The following TBC1D19 variants were observed in gnomAD, a reference collection of about 807,000 sequenced individuals.
The protein encoded by TBC1D19 is TBC1 domain family, member 19.
TBC1D19 carries 60 observed loss-of-function variants against 89.0 expected under a neutral mutation model. The ratio of observed to expected loss-of-function variants is 0.67; its 90% CI spans 0.55 to 0.84. The LOEUF (loss-of-function observed/expected upper bound fraction) is 0.84, where lower values mean the gene tolerates loss of function less well. TBC1D19 is among the 40% of genes least tolerant of loss of function. TBC1D19 has a pLI of 0.00. For synonymous variants in TBC1D19, 189 were observed against 199.7 expected (o/e 0.95, Z 0.45); for missense variants, 500 against 610.8 (o/e 0.82, Z 1.91).
At chr4:26,726,185 A>T (rs1023236654) in intron 15 of TBC1D19, among the ~76,000 whole-genome samples, 1 of 150,626 alleles carries the variant, frequency 6.6e-6, no homozygotes, top group Admixed American at 6.6e-5. Flanking sequence ...ACACATCAGG[A>T]AACATTTGGC....
the TBC1D19 span, among the ~76,000 whole-genome samples, chr4:26,837,194 T>TG: frequency 6.6e-6 from 1 of 152,162 alleles, no homozygotes; most frequent in Admixed American, 6.5e-5. Context: ...GTCTATATAA[T>TG]GGAGAAGCTC....
At chr4:26,774,687 A>AT in the TBC1D19 span, among the ~76,000 whole-genome samples, 2 of 152,160 alleles carry the variant, frequency 1.3e-5, no homozygotes, top group Non-Finnish European at 2.9e-5. Context: ...GTTCTAGTAG[A>AT]TTTTTTTGTA....
chr4:26,838,685 G>A, the TBC1D19 span, among the ~76,000 whole-genome samples: 4,878 of 152,258 alleles, frequency 0.032, 99 homozygotes, highest in Middle Eastern at 0.095. Context: ...TCAGACTGGA[G>A]GAAGTCAAAG....
chr4:26,735,168 G>A (rs1185986234), intron 15 of TBC1D19, among the ~76,000 whole-genome samples: 1 of 151,094 alleles, frequency 6.6e-6, no homozygotes, highest in Non-Finnish European at 1.5e-5. Context: ...GTATATGTAT[G>A]TACACATATA....
At chr4:26,654,088 G>A (rs1241918614) in intron 7 of TBC1D19, among the ~76,000 whole-genome samples, 1 of 152,136 alleles carries the variant, frequency 6.6e-6, no homozygotes, top group Non-Finnish European at 1.5e-5. Context: ...AAATCTCTCA[G>A]CATTTGCTTG....
upstream of TBC1D19, among the ~76,000 whole-genome samples, chr4:26,582,822 A>T (rs947963846): frequency 3.9e-5 from 6 of 152,158 alleles, no homozygotes; most frequent in African/African-American, 1.4e-4. Flanking sequence ...TTATCATCCC[A>T]GTATTCTGGA....
chr4:26,818,169 T>C, the TBC1D19 span, among the ~76,000 whole-genome samples: 5 of 151,896 alleles, frequency 3.3e-5, no homozygotes, highest in African/African-American at 1.2e-4. Flanking sequence ...CAAAGCTGCT[T>C]TGGAGAACAC....
At chr4:26,752,435 A>G (rs1719020165) in intron 19 of TBC1D19, among the ~76,000 whole-genome samples, 1 of 151,832 alleles carries the variant, frequency 6.6e-6, no homozygotes, top group African/African-American at 2.4e-5. Flanking sequence ...TGTAGAGACC[A>G]GGGTCTTGCT....
intron 15 of TBC1D19, among the ~76,000 whole-genome samples, chr4:26,728,541 G>C (rs1383732006): frequency 6.6e-6 from 1 of 152,152 alleles, no homozygotes; most frequent in Non-Finnish European, 1.5e-5. Flanking sequence ...GGAAGAAAAA[G>C]AGACTCAACC....
the TBC1D19 span, among the ~76,000 whole-genome samples, chr4:26,817,979 A>ATATAT: frequency 1.1e-3 from 116 of 107,352 alleles, 1 homozygote; most frequent in East Asian, 6.9e-3. Flanking sequence ...AAAAAAAAAA[A>ATATAT]AAATATATAT....
intron 3 of TBC1D19, among the ~76,000 whole-genome samples, chr4:26,616,125 A>G (rs1391030838): frequency 6.6e-6 from 1 of 152,134 alleles, no homozygotes; most frequent in Admixed American, 6.6e-5. Flanking sequence ...TTAAGAAACA[A>G]GATAAAACAA....
intron 13 of TBC1D19, among the ~76,000 whole-genome samples, chr4:26,689,830 G>A (rs115173185): frequency 0.018 from 2,673 of 152,076 alleles, 54 homozygotes; most frequent in East Asian, 0.066. Context: ...TAGAAATTAG[G>A]CCAATAATAA....
intron 15 of TBC1D19, among the ~76,000 whole-genome samples, chr4:26,727,914 T>A (rs1577991368): frequency 6.6e-6 from 1 of 152,192 alleles, no homozygotes; most frequent in Non-Finnish European, 1.5e-5. Flanking sequence ...ATACACAGTA[T>A]GAAATACAGT....
chr4:26,583,827 T>C (rs865963902), upstream of TBC1D19: 22 of 214,136 alleles, frequency 1.0e-4, no homozygotes, highest in Middle Eastern at 2.1e-3. Flanking sequence ...TGGAAGAGAA[T>C]GATCCTTTAT....
At chr4:26,749,715 G>A (rs1278281045) in intron 19 of TBC1D19, among the ~76,000 whole-genome samples, 1 of 152,046 alleles carries the variant, frequency 6.6e-6, no homozygotes, top group Non-Finnish European at 1.5e-5. Context: ...CCAGAGTGCT[G>A]GGATTACAGG....
intron 13 of TBC1D19, among the ~76,000 whole-genome samples, chr4:26,705,301 C>G (rs1249749914): frequency 6.6e-6 from 1 of 152,012 alleles, no homozygotes; most frequent in African/African-American, 2.4e-5. Flanking sequence ...GTCCAGTTTG[C>G]CTAATTTTTG....
chr4:26,764,149 C>T, the TBC1D19 span, among the ~76,000 whole-genome samples: 1 of 152,132 alleles, frequency 6.6e-6, no homozygotes, highest in Non-Finnish European at 1.5e-5. Context: ...ATAAGTTTAA[C>T]AAGTATTTTA....
intron 7 of TBC1D19, among the ~76,000 whole-genome samples, chr4:26,643,025 GA>G (rs1743656655): frequency 6.6e-6 from 1 of 152,186 alleles, no homozygotes; most frequent in Admixed American, 6.5e-5. Flanking sequence ...CAATGAGACA[GA>G]AGGTTAACAA....
chr4:26,847,014 A>G, the TBC1D19 span, among the ~76,000 whole-genome samples: 1 of 152,166 alleles, frequency 6.6e-6, no homozygotes, highest in East Asian at 1.9e-4. Context: ...CCACTTGATC[A>G]CAATTCCAGC....
Sources: gnomAD v4.1 joint callset for allele counts (sites outside exome capture counted in the v4.1 genomes callset) on GRCh38, gnomAD v4.1.1 for gene constraint, MANE v1.5 for transcripts, NCBI Gene and HGNC (gene_info 2026-07-23, HGNC 2026-07-21) for gene names.